NRXN3: variants seen among roughly 807,000 people sequenced by gnomAD.
The protein encoded by NRXN3 is neurexin III.
Under a neutral mutation model 137.6 loss-of-function variants are expected in NRXN3, and 32 were observed. The observed-to-expected ratio is 0.23, with a 90% CI of 0.18 to 0.31. The LOEUF (loss-of-function observed/expected upper bound fraction) is 0.31. Among genes scored for constraint, NRXN3 ranks in the 10% least tolerant of loss-of-function variants. The pLI is 1.00. For missense variants in NRXN3, 1,574 were observed against 2,062.5 expected (o/e 0.76, Z 4.59); for synonymous variants, 798 against 784.5 (o/e 1.02, Z -0.29).
intron 3 of NRXN3, among the ~76,000 whole-genome samples, chr14:78,290,044 G>T (rs1406241254): frequency 6.6e-6 from 1 of 152,178 alleles, no homozygotes; most frequent in East Asian, 1.9e-4. Context: ...GGTCCCTCAT[G>T]GTCCTAGGTA....
intron 15 of NRXN3, among the ~76,000 whole-genome samples, chr14:79,391,457 C>T (rs552807698): frequency 8.5e-5 from 13 of 152,168 alleles, no homozygotes; most frequent in Admixed American, 8.5e-4. Flanking sequence ...TTTCATTCTG[C>T]TTCACTCATG....
intron 15 of NRXN3, among the ~76,000 whole-genome samples, chr14:79,444,235 G>C (rs1195814702): frequency 1.3e-5 from 2 of 152,108 alleles, no homozygotes; most frequent in East Asian, 1.9e-4. Context: ...TGAGTCCATT[G>C]AATTTGACTC....
chr14:79,391,944 G>T (rs185781298), intron 15 of NRXN3, among the ~76,000 whole-genome samples: 1 of 152,234 alleles, frequency 6.6e-6, no homozygotes, highest in East Asian at 1.9e-4. Context: ...CTCCTAGAGA[G>T]GGGGGATTTC....
intron 1 of NRXN3, among the ~76,000 whole-genome samples, chr14:78,216,347 G>A (rs2063280671): frequency 6.6e-6 from 1 of 152,172 alleles, no homozygotes; most frequent in South Asian, 2.1e-4. Flanking sequence ...TCCTCCAGAT[G>A]TCTCTGTGGC....
chr14:78,958,091 T>C (rs139173790), intron 11 of NRXN3, among the ~76,000 whole-genome samples: 12 of 152,196 alleles, frequency 7.9e-5, no homozygotes, highest in African/African-American at 2.9e-4. Flanking sequence ...TTTCCTCAAA[T>C]AATGAACCAA....
chr14:79,738,568 G>GT lies in NRXN3; in HGVS notation c.4014+40638dup, dbSNP rs557192475. On this transcript the variant is annotated intron_variant, in intron 19 of 20. Coordinates refer to ENST00000335750, the MANE Select transcript of NRXN3 (RefSeq NM_001330195.2). ...AATAAATGTGTTTTTGTTTTGTTTT[G>GT]TTTTTTTGAGACAGAGTTTCACTCT... Among the ~76,000 whole-genome samples the GT allele has an allele frequency of 5.3e-5, 8 of 152,014 alleles. No individual in the cohort carries two copies. The East Asian group carries it at 7.7e-4, about 15-fold the overall frequency.
At chr14:79,513,271 G>A (rs1012333380) in intron 16 of NRXN3, among the ~76,000 whole-genome samples, 1 of 151,370 alleles carries the variant, frequency 6.6e-6, no homozygotes, top group African/African-American at 2.5e-5. Context: ...TGGAGTAGGT[G>A]TTCAGACATT....
At chr14:78,378,223 G>A (rs1156967930) in intron 4 of NRXN3, among the ~76,000 whole-genome samples, 2 of 152,126 alleles carry the variant, frequency 1.3e-5, no homozygotes, top group Admixed American at 6.5e-5. Flanking sequence ...GGTGGCTCAC[G>A]CCTATAATCC....
chr14:79,404,552 G>C (rs1264121919), intron 15 of NRXN3, among the ~76,000 whole-genome samples: 1 of 152,136 alleles, frequency 6.6e-6, no homozygotes, highest in African/African-American at 2.4e-5. Flanking sequence ...ATGAAAGACA[G>C]CTAGGTTTTG....
intron 6 of NRXN3, among the ~76,000 whole-genome samples, chr14:78,661,128 T>G (rs879332942): frequency 6.6e-6 from 1 of 152,216 alleles, no homozygotes; most frequent in Admixed American, 6.5e-5. Flanking sequence ...AATGAACTTA[T>G]GAGTTGAACT....
intron 20 of NRXN3, among the ~76,000 whole-genome samples, chr14:79,825,865 G>A (rs2099296854): frequency 6.6e-6 from 1 of 152,116 alleles, no homozygotes; most frequent in African/African-American, 2.4e-5. Flanking sequence ...TGATGTAAAA[G>A]TAACTGTAGT....
At chr14:79,429,453 CG>C (rs2153548315) in intron 15 of NRXN3, among the ~76,000 whole-genome samples, 1 of 152,276 alleles carries the variant, frequency 6.6e-6, no homozygotes, top group South Asian at 2.1e-4. Context: ...TTAGTTTCCT[CG>C]TCTCTAAAAT....
At chr14:78,721,842 CTTTTT>C (rs371257374) in intron 8 of NRXN3, among the ~76,000 whole-genome samples, 5 of 147,632 alleles carry the variant, frequency 3.4e-5, no homozygotes, top group African/African-American at 1.2e-4. Context: ...AAACTGTCTC[CTTTTT>C]TTTTTGTTTG....
chr14:79,588,983 A>T (rs921785401), intron 16 of NRXN3, among the ~76,000 whole-genome samples: 2 of 152,186 alleles, frequency 1.3e-5, no homozygotes, highest in Non-Finnish European at 2.9e-5. Context: ...GGCTGGACAC[A>T]GTGACTTATG....
intron 20 of NRXN3, among the ~76,000 whole-genome samples, chr14:79,805,991 T>C (rs1379363209): frequency 2.0e-5 from 3 of 152,200 alleles, no homozygotes; most frequent in South Asian, 2.1e-4. Flanking sequence ...TTGCAGTCCC[T>C]GATTATTTCC....
intron 4 of NRXN3, among the ~76,000 whole-genome samples, chr14:78,577,997 T>C (rs527299089): frequency 3.3e-5 from 5 of 152,102 alleles, no homozygotes; most frequent in Non-Finnish European, 1.5e-5. Context: ...CACAGGGAAA[T>C]AAAGAATGTT....
At chr14:78,871,278 C>T (rs746941232) in intron 10 of NRXN3, among the ~76,000 whole-genome samples, 9 of 151,612 alleles carry the variant, frequency 5.9e-5, no homozygotes, top group East Asian at 1.9e-4. Context: ...GACGTCTTAT[C>T]GTAGTTTTGA....
At chr14:78,352,320 CA>C (rs1393305788) in intron 4 of NRXN3, among the ~76,000 whole-genome samples, 1 of 152,158 alleles carries the variant, frequency 6.6e-6, no homozygotes, top group Non-Finnish European at 1.5e-5. Flanking sequence ...GTGCTCTTTT[CA>C]CTATGTTCCC....
At chr14:78,778,370 A>G (rs942867968) in intron 8 of NRXN3, among the ~76,000 whole-genome samples, 3 of 152,128 alleles carry the variant, frequency 2.0e-5, no homozygotes, top group East Asian at 1.9e-4. Flanking sequence ...CTTTTGTCTG[A>G]CCTTAAAAAA....
Sources: allele counts gnomAD v4.1 joint callset (sites outside exome capture counted in the v4.1 genomes callset), GRCh38; gene constraint gnomAD v4.1.1; transcripts MANE v1.5; gene names NCBI Gene and HGNC (gene_info 2026-07-23, HGNC 2026-07-21).